Variants in ADRA1A observed in about 807,000 individuals in gnomAD.
ADRA1A encodes adrenoceptor alpha 1A, also known as alpha-1A adrenergic receptor.
Under a neutral mutation model 29.6 loss-of-function variants are expected in ADRA1A, and 31 were observed. That is an observed-to-expected ratio of 1.05 (90% CI 0.79 to 1.41). The LOEUF is 1.41. ADRA1A is among the 40% of genes most tolerant of loss of function. The pLI is 0.00. For missense variants in ADRA1A, 619 were observed against 601.1 expected (o/e 1.03, Z -0.31); for synonymous variants, 311 against 254.3 (o/e 1.22, Z -2.12).
At chr8:26,797,784 C>A (rs528839388) in intron 2 of ADRA1A, among the ~76,000 whole-genome samples, 2 of 152,050 alleles carry the variant, frequency 1.3e-5, no homozygotes, top group Admixed American at 1.3e-4. Context: ...TTTATTGAGG[C>A]TATGGAGAAG....
exon 3 of ADRA1A, chr8:26,756,695 T>C: frequency 6.2e-7 from 1 of 1,613,672 alleles, no homozygotes; most frequent in South Asian, 1.1e-5. Context: ...GCAGGACCAG[T>C]GGTGGGTTTC....
In ADRA1A at chr8:26,864,832, T is replaced by A. The variant is rs369575335; in HGVS notation, c.138A>T (p.Leu46=). Residue 46 remains leucine (L), a synonymous_variant, in exon 2 of 3, where the codon CTA becomes CTT. Transcript: ENST00000380573. This position sits in a 1 kb window ranked among gnomAD's most constrained non-coding sequence, Gnocchi z 8.1. The stretch of plus-strand genomic sequence containing the variant: ...GGTGACAGGCTACGGAGAGGATCAC[T>A]AGGATGTTACCCAGCACCCCGAAAA... ...LILFGVLGNI[L]VILSVACHRH... is the part of the protein sequence containing the mutation. 8.1e-6 allele frequency: 13 copies of A among 1,614,006 alleles called. No homozygotes were observed. The highest frequency in any genetic ancestry group is 1.0e-5 in the Non-Finnish European group (12 of 1,180,010).
At chr8:26,777,632 C>T (rs994214971) in intron 2 of ADRA1A, among the ~76,000 whole-genome samples, 1 of 152,194 alleles carries the variant, frequency 6.6e-6, no homozygotes. Context: ...TGTATGCTCA[C>T]TTGAGAGTGT....
intron 2 of ADRA1A, among the ~76,000 whole-genome samples, chr8:26,749,711 T>C (rs947304240): frequency 3.3e-5 from 5 of 152,196 alleles, no homozygotes; most frequent in Non-Finnish European, 7.3e-5. Context: ...ATTTCTGCCT[T>C]TGCTTTCACT....
At chr8:26,822,890 A>C (rs867366290) in intron 2 of ADRA1A, among the ~76,000 whole-genome samples, 1 of 152,102 alleles carries the variant, frequency 6.6e-6, no homozygotes, top group Non-Finnish European at 1.5e-5. Context: ...GGTGCCACAC[A>C]CTTTTAATAA....
chr8:26,756,593 G>A, exon 3 of ADRA1A: 1 of 1,554,340 alleles, frequency 6.4e-7, no homozygotes, highest in Non-Finnish European at 8.7e-7. Flanking sequence ...TTGGATTTGT[G>A]CCTTAGTCAG....
chr8:26,753,348 C>A (rs1689229824), downstream of ADRA1A, among the ~76,000 whole-genome samples: 1 of 152,156 alleles, frequency 6.6e-6, no homozygotes, highest in African/African-American at 2.4e-5. Context: ...ACCTGATGAT[C>A]CAGGTGTATT....
intron 2 of ADRA1A, among the ~76,000 whole-genome samples, chr8:26,792,581 A>G (rs117384411): frequency 0.12 from 17,889 of 149,122 alleles, 1,293 homozygotes; most frequent in Middle Eastern, 0.2. Context: ...ACAAAGAACT[A>G]CCAAAAACAT....
chr8:26,844,903 A>G (rs1346599025), intron 2 of ADRA1A, among the ~76,000 whole-genome samples: 1 of 152,212 alleles, frequency 6.6e-6, no homozygotes, highest in Non-Finnish European at 1.5e-5. Context: ...AAAATACACT[A>G]AAACTAACAA....
intron 2 of ADRA1A, among the ~76,000 whole-genome samples, chr8:26,857,215 C>A (rs1226004338): frequency 6.6e-6 from 1 of 152,104 alleles, no homozygotes; most frequent in African/African-American, 2.4e-5. Flanking sequence ...ACAGAGGCCA[C>A]CAAGACTCAC....
intron 2 of ADRA1A, among the ~76,000 whole-genome samples, chr8:26,851,329 TA>T (rs1321415380): frequency 6.6e-6 from 1 of 152,068 alleles, no homozygotes; most frequent in Non-Finnish European, 1.5e-5. Flanking sequence ...CTAGTAAAAT[TA>T]AAAACAGGAG....
chr8:26,761,429 C>T (rs531345448), downstream of ADRA1A, among the ~76,000 whole-genome samples: 13 of 152,234 alleles, frequency 8.5e-5, no homozygotes, highest in South Asian at 4.1e-4. Flanking sequence ...TGACTGTATT[C>T]GGCGATAGTG....
chr8:26,805,235 TTGTCCAC>T lies in ADRA1A; in HGVS notation c.884-34576_884-34570del, dbSNP rs1808888935. ...CTTCACGTGAAGTCGCCTTCCTCAT[TTGTCCAC>T]TCTCAATTTACACCTATTGCCTCAG... On this transcript the variant is annotated intron_variant, in intron 2 of 2. Coordinates refer to ENST00000380573, the MANE Select transcript of ADRA1A (RefSeq NM_000680.4). This position sits in a 1 kb window ranked among gnomAD's most constrained non-coding sequence, Gnocchi z 4.8. Among the ~76,000 whole-genome samples the T allele has an allele frequency of 6.6e-6, 1 of 152,216 alleles. No homozygotes were observed. The highest frequency in any genetic ancestry group is 1.5e-5 in the Non-Finnish European group (1 of 68,030).
intron 2 of ADRA1A, among the ~76,000 whole-genome samples, chr8:26,786,273 C>A (rs1012441245): frequency 6.6e-6 from 1 of 151,636 alleles, no homozygotes; most frequent in Admixed American, 6.6e-5. Context: ...CTCACTCTCT[C>A]ACCCAGGCTG....
At chr8:26,824,776 ATCATT>A (rs1271964928) in intron 2 of ADRA1A, among the ~76,000 whole-genome samples, 1 of 152,232 alleles carries the variant, frequency 6.6e-6, no homozygotes, top group African/African-American at 2.4e-5. Flanking sequence ...TTACCATAGC[ATCATT>A]TCATTTCCTC....
At chr8:26,867,345 AG>A (rs1439327225), upstream of ADRA1A, 2 of 985,062 alleles carry the variant, frequency 2.0e-6, no homozygotes, top group African/African-American at 3.5e-5. Context: ...AACAGGCACA[AG>A]TGCGTATACA....
intron 2 of ADRA1A, among the ~76,000 whole-genome samples, chr8:26,786,364 A>G (rs1807390847): frequency 6.6e-6 from 1 of 151,800 alleles, no homozygotes; most frequent in African/African-American, 2.4e-5. Context: ...CCTCCCGAGT[A>G]GCTGGGATTA....
chr8:26,758,993 A>G (rs1373821361), intron 2 of ADRA1A, among the ~76,000 whole-genome samples: 1 of 152,226 alleles, frequency 6.6e-6, no homozygotes, highest in Admixed American at 6.5e-5. Context: ...TACAATTTTT[A>G]CTATTTAAAC....
At chr8:26,856,796 T>C (rs879368188) in intron 2 of ADRA1A, among the ~76,000 whole-genome samples, 3 of 152,202 alleles carry the variant, frequency 2.0e-5, no homozygotes, top group Non-Finnish European at 4.4e-5. Flanking sequence ...TTAGTGTGGC[T>C]ATCTGATTAA....
Sources: gnomAD v4.1 joint callset for allele counts (sites outside exome capture counted in the v4.1 genomes callset) on GRCh38, gnomAD v4.1.1 for gene constraint, Gnocchi (gnomAD v3.1) non-coding constraint, MANE v1.5 for transcripts, NCBI Gene and HGNC (gene_info 2026-07-23, HGNC 2026-07-21) for gene names.